The following DGKB variants were observed in gnomAD, a reference collection of about 807,000 sequenced individuals.
DGKB encodes the protein 90 kDa diacylglycerol kinase.
A neutral mutation model predicts 114.3 loss-of-function variants in DGKB; 67 were observed. The ratio of observed to expected loss-of-function variants is 0.59; its 90% CI spans 0.48 to 0.72. DGKB has a LOEUF of 0.72. DGKB is among the 30% of genes least tolerant of loss of function. The probability of loss-of-function intolerance (pLI) is 0.00; values close to 1 mark genes in which losing one functional copy is unlikely to be tolerated. For missense variants in DGKB, 907 were observed against 975.2 expected (o/e 0.93, Z 0.93); for synonymous variants, 398 against 323.1 (o/e 1.23, Z -2.49).
At chr7:14,944,574 T>C (rs1340781344) in intron 1 of DGKB, among the ~76,000 whole-genome samples, 1 of 151,888 alleles carries the variant, frequency 6.6e-6, no homozygotes, top group Non-Finnish European at 1.5e-5. Context: ...CTATTACTTA[T>C]TAATTTTTCT....
chr7:14,631,358 C>A (rs1436671594), intron 13 of DGKB, among the ~76,000 whole-genome samples: 1 of 151,238 alleles, frequency 6.6e-6, no homozygotes, highest in Non-Finnish European at 1.5e-5. Context: ...GGACTAAAAG[C>A]ATTCAGTGCA....
At chr7:14,426,523 T>C (rs1431545646) in intron 21 of DGKB, among the ~76,000 whole-genome samples, 2 of 152,076 alleles carry the variant, frequency 1.3e-5, no homozygotes, top group African/African-American at 2.4e-5. Context: ...TAACAAGTCT[T>C]TATAAAGTGA....
At chr7:14,217,621 T>C (rs1317033884) in intron 23 of DGKB, among the ~76,000 whole-genome samples, 1 of 151,098 alleles carries the variant, frequency 6.6e-6, no homozygotes, top group East Asian at 1.9e-4. Context: ...AGAACGTACA[T>C]GAGAAGGAGA....
At chr7:14,528,203 C>T (rs1418019147) in intron 20 of DGKB, among the ~76,000 whole-genome samples, 1 of 152,066 alleles carries the variant, frequency 6.6e-6, no homozygotes, top group Non-Finnish European at 1.5e-5. Flanking sequence ...CTCCATCTAA[C>T]AGGTCTTTCC....
intron 1 of DGKB, among the ~76,000 whole-genome samples, chr7:14,937,053 CACACACACACACACACACACAT>C (rs1295540889): frequency 2.7e-4 from 40 of 149,018 alleles, no homozygotes; most frequent in South Asian, 6.5e-4. Flanking sequence ...CACACACACA[CACACACACACACACACACACAT>C]CTTTTGTTAA....
chr7:14,710,035 A>C (rs1037067102), intron 6 of DGKB, among the ~76,000 whole-genome samples: 2 of 152,042 alleles, frequency 1.3e-5, no homozygotes, highest in African/African-American at 2.4e-5. Flanking sequence ...CTCCTATTAC[A>C]AAACAAAATG....
At chr7:14,438,786 G>C (rs1025742240) in intron 21 of DGKB, among the ~76,000 whole-genome samples, 2 of 152,106 alleles carry the variant, frequency 1.3e-5, no homozygotes, top group African/African-American at 4.8e-5. Context: ...ATTTCTAAAA[G>C]AAGCAGATAA....
rs557423014 is a variant in DGKB, at chr7:14,650,484, T to C, written c.1135-20216A>G. Among the ~76,000 whole-genome samples the C allele has an allele frequency of 5.3e-3, 268 of 50,994 alleles. 1 individual carries two copies. Among genetic ancestry groups the C allele is most frequent in the Middle Eastern group, 0.016 (3 of 186 alleles). 33.5% of individuals were successfully genotyped at this position (50,994 alleles called of 152,430 possible). A position where few individuals can be genotyped will look rare whatever the true frequency, so the allele number is the denominator to read the frequency against. The stretch of plus-strand genomic sequence containing the variant: ...ACACAACATACCAGAATCTCTGGGA[T>C]GCATTCAAAGCAGTGTGTAGAGGGA... On this transcript the variant is annotated intron_variant, in intron 13 of 25. Coordinates refer to ENST00000402815, the MANE Select transcript of DGKB (RefSeq NM_001350709.2).
chr7:14,873,522 T>C (rs973728457), intron 1 of DGKB, among the ~76,000 whole-genome samples: 45 of 152,098 alleles, frequency 3.0e-4, no homozygotes, highest in African/African-American at 1.0e-3. Flanking sequence ...TTCAGGAACA[T>C]TAGATTTTTA....
At chr7:14,807,661 C>T (rs752333306) in intron 2 of DGKB, among the ~76,000 whole-genome samples, 13 of 152,060 alleles carry the variant, frequency 8.5e-5, no homozygotes, top group Middle Eastern at 3.4e-3. Context: ...CTGGAAATAG[C>T]TCAACATGCA....
intron 2 of DGKB, among the ~76,000 whole-genome samples, chr7:14,784,307 T>A (rs552798593): frequency 2.1e-4 from 32 of 152,162 alleles, no homozygotes; most frequent in African/African-American, 7.2e-4. Context: ...CTAGTTTTAA[T>A]CATATCAGAA....
intron 7 of DGKB, among the ~76,000 whole-genome samples, chr7:14,700,510 C>G (rs1824976064): frequency 6.6e-6 from 1 of 152,130 alleles, no homozygotes; most frequent in South Asian, 2.1e-4. Flanking sequence ...GCCACCACAC[C>G]CAGCCAGCAT....
At chr7:14,169,564 G>A (rs865903573) in intron 25 of DGKB, among the ~76,000 whole-genome samples, 1 of 152,052 alleles carries the variant, frequency 6.6e-6, no homozygotes, top group Non-Finnish European at 1.5e-5. Context: ...ATGAGGCATA[G>A]CAGTCTGGTC....
At chr7:14,810,488 T>A (rs1843292311) in intron 2 of DGKB, among the ~76,000 whole-genome samples, 1 of 152,198 alleles carries the variant, frequency 6.6e-6, no homozygotes, top group Admixed American at 6.5e-5. Context: ...CATAAAAACA[T>A]AATATTAATT....
At chr7:14,430,166 C>A (rs1321730946) in intron 21 of DGKB, among the ~76,000 whole-genome samples, 1 of 152,122 alleles carries the variant, frequency 6.6e-6, no homozygotes, top group African/African-American at 2.4e-5. Flanking sequence ...CTTCCTTGCA[C>A]TTTCACACAC....
chr7:14,709,614 C>T (rs1374104875), intron 6 of DGKB, among the ~76,000 whole-genome samples: 3 of 143,448 alleles, frequency 2.1e-5, no homozygotes, highest in South Asian at 2.4e-4. Context: ...GGCACATATA[C>T]ACCATGGAAC....
chr7:14,914,304 A>G (rs1388868365), intron 1 of DGKB, among the ~76,000 whole-genome samples: 3 of 152,158 alleles, frequency 2.0e-5, no homozygotes, highest in Non-Finnish European at 4.4e-5. Flanking sequence ...TCCACTAAGA[A>G]AACTGAGATT....
intron 1 of DGKB, among the ~76,000 whole-genome samples, chr7:14,973,145 A>G (rs1010725719): frequency 2.6e-5 from 4 of 151,994 alleles, no homozygotes; most frequent in East Asian, 1.9e-4. Flanking sequence ...TTTTTTCACT[A>G]AAAATACAAG....
At chr7:14,234,277 T>C (rs1792405318) in intron 23 of DGKB, among the ~76,000 whole-genome samples, 2 of 152,034 alleles carry the variant, frequency 1.3e-5, no homozygotes, top group Non-Finnish European at 1.5e-5. Context: ...AAGTATAAGA[T>C]AGTAACTACA....
Sources: gnomAD v4.1 joint callset for allele counts (sites outside exome capture counted in the v4.1 genomes callset) on GRCh38, gnomAD v4.1.1 for gene constraint, MANE v1.5 for transcripts, NCBI Gene and HGNC (gene_info 2026-07-23, HGNC 2026-07-21) for gene names.